The following MRPS21 variants were observed in gnomAD, a reference collection of about 807,000 sequenced individuals.
MRPS21 encodes small ribosomal subunit protein bS21m.
Under a neutral mutation model 9.9 loss-of-function variants are expected in MRPS21, and 8 were observed. The ratio of observed to expected loss-of-function variants is 0.81; its 90% CI spans 0.47 to 1.45. The LOEUF (loss-of-function observed/expected upper bound fraction) is 1.45. Among genes scored for constraint, MRPS21 ranks in the 40% most tolerant of loss-of-function variants. MRPS21 has a pLI of 0.00. For missense variants in MRPS21, 101 were observed against 118.9 expected (o/e 0.85, Z 0.70); for synonymous variants, 40 against 40.3 (o/e 0.99, Z 0.03).
intron 2 of MRPS21, among the ~76,000 whole-genome samples, chr1:150,305,440 T>TA (rs1553858376): frequency 6.6e-6 from 1 of 152,136 alleles, no homozygotes; most frequent in African/African-American, 2.4e-5. Flanking sequence ...ATTTGGGCCT[T>TA]TGAGGAACAA....
intron 2 of MRPS21, among the ~76,000 whole-genome samples, chr1:150,298,893 C>T (rs1180071124): frequency 1.3e-5 from 2 of 152,204 alleles, no homozygotes; most frequent in Non-Finnish European, 2.9e-5. Context: ...AGCCACCATG[C>T]CCAGCTGAAC....
intron 2 of MRPS21, among the ~76,000 whole-genome samples, chr1:150,301,504 A>G (rs1654129997): frequency 6.6e-6 from 1 of 152,244 alleles, no homozygotes; most frequent in South Asian, 2.1e-4. Context: ...CTTCGTCTCA[A>G]AAAAGGAAAA....
rs782502136 is a variant in MRPS21 at position 150,308,212 on chromosome 1, C to T, written c.248C>T (p.Pro83Leu). The T allele has an allele frequency of 1.6e-5, 26 of 1,596,294 alleles. No individual in the cohort carries two copies. Among genetic ancestry groups the T allele is most frequent in the Middle Eastern group, 1.7e-4 (1 of 6,026 alleles). The change falls in exon 3 of 3, where the codon CCG becomes CTG. Residue 83 changes from proline (P) to leucine (L), a missense_variant. Coordinates refer to ENST00000614145, the MANE Select transcript of MRPS21 (RefSeq NM_031901.6). The stretch of plus-strand genomic sequence containing the variant: ...TTGATGCGAAAGAATCGGGCAGATC[C>T]GTGGCAGGGCTGCTGAGGCCTGTGG... The part of the protein sequence containing the change: ...NFLMRKNRAD[P>L]WQGC
chr1:150,308,145 C>A lies in MRPS21; in HGVS notation c.181C>A (p.Arg61=). The change falls in exon 3 of 3, where the codon CGG becomes AGG. Residue 61 remains arginine (R), a synonymous_variant. Coordinates refer to ENST00000614145, the MANE Select transcript of MRPS21 (RefSeq NM_031901.6). The part of the protein sequence containing the change: ...RRQRESYERC[R]RIYNMEMARK... ...ACAGAGGGAAAGCTATGAAAGGTGC[C>A]GGCGGATCTACAACATGGAAATGGC... 1.2e-6 allele frequency: 2 copies of A among 1,610,160 alleles called. No individual in the cohort carries two copies. Among genetic ancestry groups the A allele is most frequent in the Non-Finnish European group, 1.7e-6 (2 of 1,176,666 alleles).
At chr1:150,294,575 C>A in intron 2 of MRPS21, 126 bp downstream of exon 2, 2 of 778,730 alleles carry the variant, frequency 2.6e-6, no homozygotes, top group Non-Finnish European at 4.3e-6. Flanking sequence ...TCTCTTAAAA[C>A]GTCTCAGCCC....
At chr1:150,302,106 C>G (rs968117582) in intron 2 of MRPS21, among the ~76,000 whole-genome samples, 74 of 152,270 alleles carry the variant, frequency 4.9e-4, no homozygotes, top group African/African-American at 1.7e-3. Context: ...CCAGGCCTCT[C>G]CTGATCTCTT....
chr1:150,294,459 A>C lies in MRPS21; in HGVS notation c.83+10A>C, dbSNP rs1653840740. The C allele has an allele frequency of 6.3e-7, 1 of 1,596,796 alleles. No individual in the cohort carries two copies. The highest frequency in any genetic ancestry group is 1.3e-5 in the African/African-American group (1 of 74,678). ...ACAGGACCCTAAACAGGTAACTGTT[A>C]AGGGACCAGAATCATGCCTAGACTC... is the stretch of plus-strand genomic sequence containing the variant. On this transcript the variant is annotated intron_variant, in intron 2 of 2. Transcript: ENST00000614145.
intron 2 of MRPS21, among the ~76,000 whole-genome samples, chr1:150,294,871 C>T (rs1553856251): frequency 7.3e-6 from 1 of 136,382 alleles, no homozygotes; most frequent in East Asian, 2.1e-4. Flanking sequence ...TGCACTCCAG[C>T]CTGGGCAAGA....
intron 2 of MRPS21, among the ~76,000 whole-genome samples, chr1:150,295,483 T>C (rs1448044645): frequency 3.9e-5 from 6 of 152,162 alleles, no homozygotes; most frequent in African/African-American, 1.4e-4. Flanking sequence ...CTGAATTCTT[T>C]AGAAGACTTA....
intron 2 of MRPS21, among the ~76,000 whole-genome samples, chr1:150,305,818 C>T (rs972486333): frequency 1.3e-5 from 2 of 152,136 alleles, no homozygotes; most frequent in Admixed American, 6.6e-5. Flanking sequence ...TTGTCTCGAA[C>T]TCCTGACCTC....
intron 1 of MRPS21, 31 bp from the exon 2 acceptor site, chr1:150,294,303 GC>G: frequency 6.9e-7 from 1 of 1,448,562 alleles, no homozygotes; most frequent in Non-Finnish European, 9.7e-7. Context: ...TTCTCTTTCT[GC>G]TTTCCTCGCC....
At chr1:150,301,178 AC>A (rs1553857614) in intron 2 of MRPS21, 1 of 158,378 alleles carries the variant, frequency 6.3e-6, no homozygotes, top group Non-Finnish European at 1.4e-5. Flanking sequence ...TACTAAAAAT[AC>A]AAAAAATTAG....
At position 150,308,088 on chromosome 1, in the gene MRPS21, C is replaced by T. The variant is rs1654410507; in HGVS notation, c.124C>T (p.Arg42Trp). 3.7e-6 allele frequency: 6 copies of T among 1,601,176 alleles called. No homozygotes were observed. In the African/African-American group the frequency reaches 5.3e-5, roughly 14 times the overall value. The change falls in exon 3 of 3, where the codon CGG becomes TGG. Residue 42 changes from arginine (R) to tryptophan (W), a missense_variant. Coordinates refer to ENST00000614145, the MANE Select transcript of MRPS21 (RefSeq NM_031901.6). ...TGGGCTCATTGAGGACATTAAGCAT[C>T]GGCGGTATTATGAGAAGCCATGCTG... ...MDGLIEDIKHRRYYEKPCCRR... is the reference protein window; with the variant it reads ...MDGLIEDIKHWRYYEKPCCRR...
At chr1:150,295,394 C>T (rs782663921) in intron 2 of MRPS21, among the ~76,000 whole-genome samples, 18 of 152,116 alleles carry the variant, frequency 1.2e-4, no homozygotes, top group African/African-American at 1.7e-4. Context: ...ACGCCACCAC[C>T]GCAGTTAATT....
At chr1:150,298,851 C>T (rs935650245) in intron 2 of MRPS21, among the ~76,000 whole-genome samples, 7 of 152,036 alleles carry the variant, frequency 4.6e-5, no homozygotes, top group African/African-American at 1.7e-4. Flanking sequence ...CTGCCCACCT[C>T]AGCCTCCCAA....
chr1:150,307,922 T>C, intron 2 of MRPS21, 126 bp from the exon 3 acceptor site: 1 of 943,030 alleles, frequency 1.1e-6, no homozygotes, highest in Non-Finnish European at 1.5e-6. Flanking sequence ...TAATGCTCTA[T>C]TGCCACCATT....
At chr1:150,294,516 C>T in intron 2 of MRPS21, 67 bp downstream of exon 2, 1 of 1,339,810 alleles carries the variant, frequency 7.5e-7, no homozygotes, top group Non-Finnish European at 1.1e-6. Flanking sequence ...TCTCTCCCTT[C>T]CCCTTTCGTT....
Position 150,294,588 on chromosome 1 carries a change from C to G in MRPS21, c.83+139C>G. The G allele has an allele frequency of 4.1e-6, 3 of 735,290 alleles. No individual in the cohort carries two copies. The South Asian group carries it at 5.0e-5, about 12-fold the overall frequency. 45.5% of individuals were successfully genotyped at this position (735,290 alleles called of 1,614,324 possible). On this transcript the variant is annotated intron_variant, in intron 2 of 2. Transcript: ENST00000614145. ...AGTCTCTTAAAACGTCTCAGCCCCT[C>G]AGTTTATTATCTTAAAAATGAAGTT...
chr1:150,294,377 A>G lies in MRPS21; in HGVS notation c.11A>G (p.His4Arg). ...TTTAAATCCAAGGTCATGGCAAAAC[A>G]TCTGAAGTTCATCGCCAGGACTGTG... MAK[H>R]LKFIARTVMV... Residue 4 changes from histidine (H) to arginine (R), a missense_variant, in exon 2 of 3, where the codon CAT (histidine) becomes CGT (arginine). Transcript: ENST00000614145. 6.2e-7 allele frequency: 1 copy of G among 1,613,352 alleles called. No homozygotes were observed. Among genetic ancestry groups the G allele is most frequent in the Non-Finnish European group, 8.5e-7 (1 of 1,179,784 alleles).
Sources: gnomAD v4.1 joint callset for allele counts (sites outside exome capture counted in the v4.1 genomes callset) on GRCh38, gnomAD v4.1.1 for gene constraint, MANE v1.5 for transcripts, NCBI Gene and HGNC (gene_info 2026-07-23, HGNC 2026-07-21) for gene names.